Variants in HS6ST3 observed in about 807,000 individuals in gnomAD.
HS6ST3 encodes heparan-sulfate 6-O-sulfotransferase 3.
A neutral mutation model predicts 36.7 loss-of-function variants in HS6ST3; 12 were observed. The ratio of observed to expected loss-of-function variants is 0.33; its 90% CI spans 0.21 to 0.53. The LOEUF (loss-of-function observed/expected upper bound fraction) is 0.53, where lower values mean the gene tolerates loss of function less well. HS6ST3 is among the 20% of genes least tolerant of loss of function. The probability of loss-of-function intolerance (pLI) is 0.95; values close to 1 mark genes in which losing one functional copy is unlikely to be tolerated. For missense variants in HS6ST3, 584 were observed against 640.9 expected (o/e 0.91, Z 0.96); for synonymous variants, 240 against 257.5 (o/e 0.93, Z 0.65).
At chr13:96,265,429 C>T (rs1460870624) in intron 1 of HS6ST3, among the ~76,000 whole-genome samples, 1 of 152,102 alleles carries the variant, frequency 6.6e-6, no homozygotes, top group Non-Finnish European at 1.5e-5. Context: ...ATCCTCCTGC[C>T]TCGGCCTCCC....
chr13:96,112,574 AATAAATATAT>A (rs1205198759), intron 1 of HS6ST3, among the ~76,000 whole-genome samples: 1 of 43,540 alleles, frequency 2.3e-5, no homozygotes, highest in African/African-American at 7.1e-5. Flanking sequence ...CTCTAAAATA[AATAAATATAT>A]ATATATATAT....
chr13:96,691,493 C>A (rs190082615), intron 1 of HS6ST3, among the ~76,000 whole-genome samples: 10 of 152,164 alleles, frequency 6.6e-5, no homozygotes, highest in Admixed American at 6.6e-5. Flanking sequence ...TGTAAGATGG[C>A]AATATTGGTC....
At position 96,765,493 on chromosome 13, in the gene HS6ST3, G is replaced by A. The variant is rs139408738; in HGVS notation, c.708-66997G>A. On this transcript the variant is annotated intron_variant, in intron 1 of 1. Coordinates refer to ENST00000376705, the MANE Select transcript of HS6ST3 (RefSeq NM_153456.4). ...AAGATTTCTCTGGAACTACCATTTT[G>A]TGATTTTTCCAGGGACTTTTCTTGG... Among the ~76,000 whole-genome samples, 684 of 152,262 alleles carry A rather than the reference G, an allele frequency of 4.5e-3. 1 individual carries two copies. The highest frequency in any genetic ancestry group is 6.3e-3 in the Non-Finnish European group (431 of 68,018).
rs183023956 is a variant in HS6ST3, at chr13:96,698,557, T to G, written c.708-133933T>G. Among the ~76,000 whole-genome samples the G allele has an allele frequency of 5.9e-5, 9 of 152,184 alleles. No homozygotes were observed. The East Asian group carries it at 1.7e-3, about 29-fold the overall frequency. On this transcript the variant is annotated intron_variant, in intron 1 of 1. Transcript: ENST00000376705. The stretch of plus-strand genomic sequence containing the variant: ...CTAGGAATCCAACTTGCAAGAGACA[T>G]GAAGGACCTCTTCAAGGAGAACTGC...
At chr13:96,770,970 A>G (rs1276488246) in intron 1 of HS6ST3, among the ~76,000 whole-genome samples, 1 of 152,130 alleles carries the variant, frequency 6.6e-6, no homozygotes, top group Non-Finnish European at 1.5e-5. Context: ...CAGGGTATAT[A>G]TGTGTCACAT....
At chr13:96,738,936 A>T (rs1187525851) in intron 1 of HS6ST3, among the ~76,000 whole-genome samples, 1 of 152,084 alleles carries the variant, frequency 6.6e-6, no homozygotes, top group Non-Finnish European at 1.5e-5. Flanking sequence ...CTATACCTAA[A>T]TCCATTCTCG....
chr13:96,515,149 T>G (rs1438376544), intron 1 of HS6ST3, among the ~76,000 whole-genome samples: 1 of 152,246 alleles, frequency 6.6e-6, no homozygotes, highest in Non-Finnish European at 1.5e-5. Context: ...ACTTTAGGAA[T>G]AATATAACAT....
intron 1 of HS6ST3, among the ~76,000 whole-genome samples, chr13:96,799,329 T>C (rs1266700049): frequency 6.6e-6 from 1 of 152,108 alleles, no homozygotes; most frequent in African/African-American, 2.4e-5. Flanking sequence ...GGTATCTCAT[T>C]GTGGTTTTGA....
At position 96,362,192 on chromosome 13, in the gene HS6ST3, A is replaced by G. The variant is rs376606920; in HGVS notation, c.707+270623A>G. On this transcript the variant is annotated intron_variant, in intron 1 of 1. Coordinates refer to ENST00000376705, the MANE Select transcript of HS6ST3 (RefSeq NM_153456.4). ...ATTTAATGTAGGGATTACCTGTGCA[A>G]CCCCTGTTACTACTGTGATAATGCA... 3.4e-4 allele frequency among the ~76,000 whole-genome samples: 52 copies of G among 152,286 alleles called. No individual in the cohort carries two copies. The South Asian group carries it at 8.7e-3, about 25-fold the overall frequency.
intron 1 of HS6ST3, among the ~76,000 whole-genome samples, chr13:96,755,348 GTT>G (rs955039236): frequency 7.3e-5 from 11 of 150,742 alleles, no homozygotes; most frequent in African/African-American, 2.7e-4. Context: ...CAGTTTTTTT[GTT>G]TTTTTGTTTT....
intron 1 of HS6ST3, among the ~76,000 whole-genome samples, chr13:96,828,362 A>G (rs879461317): frequency 1.5e-4 from 23 of 152,186 alleles, no homozygotes; most frequent in Non-Finnish European, 3.1e-4. Flanking sequence ...CAAGTAGAAT[A>G]ACATTGTACC....
chr13:96,407,310 C>T (rs779067615), intron 1 of HS6ST3, among the ~76,000 whole-genome samples: 20 of 152,246 alleles, frequency 1.3e-4, no homozygotes, highest in East Asian at 3.9e-4. Flanking sequence ...TCAGGCAGTA[C>T]GTGGTATTGG....
intron 1 of HS6ST3, among the ~76,000 whole-genome samples, chr13:96,166,508 A>G (rs1324748416): frequency 2.6e-5 from 4 of 151,152 alleles, no homozygotes; most frequent in Non-Finnish European, 5.9e-5. Flanking sequence ...AATATAGTCT[A>G]TAGTCTTTTA....
intron 1 of HS6ST3, among the ~76,000 whole-genome samples, chr13:96,587,217 G>T (rs1013366632): frequency 1.3e-5 from 2 of 151,926 alleles, no homozygotes; most frequent in African/African-American, 4.8e-5. Flanking sequence ...TTCAAGTCAG[G>T]TATTAAGATG....
At chr13:96,574,224 AT>A in intron 1 of HS6ST3, 1 of 483,998 alleles carries the variant, frequency 2.1e-6, no homozygotes, top group Admixed American at 2.4e-5. Context: ...AACTTTGAGG[AT>A]GCTAGTGATT....
At chr13:96,203,409 A>G (rs532420274) in intron 1 of HS6ST3, among the ~76,000 whole-genome samples, 22 of 152,284 alleles carry the variant, frequency 1.4e-4, no homozygotes, top group South Asian at 2.1e-4. Context: ...CTTCACTTCT[A>G]TGCTCTAATC....
chr13:96,501,582 G>A (rs567636863), intron 1 of HS6ST3, among the ~76,000 whole-genome samples: 56 of 152,158 alleles, frequency 3.7e-4, no homozygotes, highest in Non-Finnish European at 7.3e-4. Flanking sequence ...GAACAGAGCC[G>A]GGCCCTTAGC....
intron 1 of HS6ST3, among the ~76,000 whole-genome samples, chr13:96,521,371 A>G: frequency 6.6e-6 from 1 of 152,136 alleles, no homozygotes; most frequent in East Asian, 1.9e-4. Context: ...TTATAAAATG[A>G]GTTAGGGAGG....
chr13:96,635,445 C>G (rs621973), intron 1 of HS6ST3, among the ~76,000 whole-genome samples: 54,494 of 151,816 alleles, frequency 0.36, 10,144 homozygotes, highest in East Asian at 0.62. Context: ...AACCCACCCC[C>G]CTCTTCACTA....
Sources: gnomAD v4.1 joint callset for allele counts (sites outside exome capture counted in the v4.1 genomes callset) on GRCh38, gnomAD v4.1.1 for gene constraint, MANE v1.5 for transcripts, NCBI Gene and HGNC (gene_info 2026-07-23, HGNC 2026-07-21) for gene names.